Variants in ITPR3 observed in about 807,000 individuals in gnomAD.
ITPR3 encodes inositol 1,4,5-trisphosphate-gated calcium channel ITPR3.
A neutral mutation model predicts 293.2 loss-of-function variants in ITPR3; 173 were observed. The observed-to-expected ratio is 0.59, with a 90% CI of 0.52 to 0.67. The LOEUF (loss-of-function observed/expected upper bound fraction) is 0.67, where lower values mean the gene tolerates loss of function less well. ITPR3 is among the 30% of genes least tolerant of loss of function. ITPR3 has a pLI of 0.00. For missense variants in ITPR3, 2,796 were observed against 3,592.1 expected, an observed-to-expected ratio of 0.78 and a Z score of 5.66; for synonymous variants, 1,295 against 1,444.4, an observed-to-expected ratio of 0.90 and a Z score of 2.35.
intron 2 of ITPR3, among the ~76,000 whole-genome samples, chr6:33,642,927 C>T (rs1020013857): frequency 1.1e-4 from 16 of 152,200 alleles, no homozygotes; most frequent in Admixed American, 7.2e-4. Flanking sequence ...GGGACCTGAG[C>T]AGAGCCAACC....
intron 2 of ITPR3, among the ~76,000 whole-genome samples, chr6:33,651,244 T>G (rs1025792163): frequency 7.1e-6 from 1 of 139,940 alleles, no homozygotes; most frequent in African/African-American, 2.7e-5. Context: ...GCCACTGCAC[T>G]CCAGCCTGGG....
chr6:33,668,930 G>A, intron 17 of ITPR3, 44 bp from the exon 18 acceptor site: 1 of 1,588,022 alleles, frequency 6.3e-7, no homozygotes, highest in South Asian at 1.1e-5. Context: ...CAGGCGTAGT[G>A]CCCTGGACCT....
chr6:33,645,962 T>A (rs1000900758), intron 2 of ITPR3, among the ~76,000 whole-genome samples: 3 of 152,092 alleles, frequency 2.0e-5, no homozygotes, highest in Non-Finnish European at 4.4e-5. Context: ...CTCAGCCTCC[T>A]GAGTAGCTGG....
chr6:33,682,590 C>T lies in ITPR3; in HGVS notation c.4543C>T (p.Gln1515Ter). The T allele has an allele frequency of 1.9e-6, 3 of 1,595,842 alleles. No homozygotes were observed. The highest frequency in any genetic ancestry group is 2.6e-6 in the Non-Finnish European group (3 of 1,171,794). Residue 1515 changes from glutamine to a stop codon, truncating the protein, a stop_gained, in exon 34 of 58, where the codon CAG becomes TAG. Transcript: ENST00000605930. LOFTEE classifies it high-confidence loss of function. This position sits in a 1 kb window ranked among gnomAD's most constrained non-coding sequence, Gnocchi z 5.4. ...ACGCCTCCTCGAGTGTCCGTGGCTA[C>T]AGCAGCAGCACAAGGGCTCCGTGGA... ...TTRLLECPWL[Q>*]QQHKGSVEAC...
At chr6:33,673,882 G>A (rs1050566710) in intron 23 of ITPR3, among the ~76,000 whole-genome samples, 162 bp downstream of exon 23, 1 of 152,224 alleles carries the variant, frequency 6.6e-6, no homozygotes, top group Non-Finnish European at 1.5e-5. Flanking sequence ...GGAAGGGCAG[G>A]GATCCTTCCC....
chr6:33,685,604 G>C, intron 40 of ITPR3, 39 bp from the exon 41 acceptor site: 1 of 1,586,896 alleles, frequency 6.3e-7, no homozygotes, highest in South Asian at 1.1e-5. Context: ...GGTGGCCAAG[G>C]GGGTGGGCAG....
In ITPR3 at chr6:33,678,720, C is replaced by T. The variant is rs922527523; in HGVS notation, c.3853C>T (p.His1285Tyr). ...CGAGATCAGCGAGCCTGTGTTGCAG[C>T]ACTTCGTGCACCTGCTGGCCACGCA... The part of the protein sequence containing the change: ...CSEISEPVLQ[H>Y]FVHLLATHGR... Residue 1285 changes from histidine to tyrosine, a missense_variant, in exon 30 of 58, where the codon CAC becomes TAC. Physicochemically the swap from His to Tyr is moderately conservative, Grantham distance 83. Around this residue, in one of 8 missense-constraint regions of ITPR3, gnomAD observed 344 missense variants for 460.3 expected, o/e 0.75. Transcript: ENST00000605930. 15 of 1,613,330 alleles carry T rather than the reference C, an allele frequency of 9.3e-6. No individual in the cohort carries two copies. The highest frequency in any genetic ancestry group is 1.3e-5 in the African/African-American group (1 of 74,944).
In ITPR3 at chr6:33,665,070, C is replaced by T; in HGVS notation, c.1266C>T (p.Thr422=). The change falls in exon 13 of 58, where the codon ACC becomes ACT. Residue 422 remains threonine (T), a synonymous_variant. Transcript: ENST00000605930. ...CTCTGCAGCTGGGCACCTGCCCCAC[C>T]AAGGAGGACAAGGAGGCCTTTGCCA... ...PIRLMLGTCP[T]KEDKEAFAIV... The T allele has an allele frequency of 5.0e-6, 8 of 1,613,916 alleles. No individual in the cohort carries two copies. Among genetic ancestry groups the T allele is most frequent in the Non-Finnish European group, 6.8e-6 (8 of 1,180,010 alleles).
intron 2 of ITPR3, among the ~76,000 whole-genome samples, chr6:33,651,519 G>A (rs1015654648): frequency 4.6e-5 from 7 of 152,050 alleles, no homozygotes; most frequent in African/African-American, 7.2e-5. Flanking sequence ...TCCCTATAGG[G>A]TCCCGGTCTT....
In ITPR3 at chr6:33,654,620, G is replaced by A. The variant is rs1053775784; in HGVS notation, c.161-1146G>A. Among the ~76,000 whole-genome samples the A allele has an allele frequency of 2.6e-5, 4 of 152,216 alleles. No homozygotes were observed. The highest frequency in any genetic ancestry group is 4.4e-5 in the Non-Finnish European group (3 of 68,036). On this transcript the variant is annotated intron_variant, in intron 2 of 57. Transcript: ENST00000605930. This position sits in a 1 kb window ranked among gnomAD's most constrained non-coding sequence, Gnocchi z 4.1. ...TCTTAGAGGGAACAGGAAAGGACCT[G>A]AAGAAGGGGTTTTGTTTCTGGGACC...
At chr6:33,656,356 A>G (rs1196048855) in intron 3 of ITPR3, among the ~76,000 whole-genome samples, 1 of 152,098 alleles carries the variant, frequency 6.6e-6, no homozygotes, top group South Asian at 2.1e-4. Flanking sequence ...GACACCATAG[A>G]GCAGTGAACA....
At position 33,667,308 on chromosome 6, in the gene ITPR3, T is replaced by C; in HGVS notation, c.1713+18T>C. 2 of 1,608,028 alleles carry C rather than the reference T, an allele frequency of 1.2e-6. No homozygotes were observed. The highest frequency in any genetic ancestry group is 1.7e-6 in the Non-Finnish European group (2 of 1,177,266). ...AGAACCAGGTGCGCCGCTGCCCTGC[T>C]GGCCCACTCGCTGGCTGCACGTTCC... On this transcript the variant is annotated intron_variant, in intron 15 of 57. Coordinates refer to ENST00000605930, the MANE Select transcript of ITPR3 (RefSeq NM_002224.4). The surrounding 1 kb of genome is among the most constrained non-coding windows in gnomAD (Gnocchi z 4.4).
rs7739023 is a variant in ITPR3, at chr6:33,672,356, C to T, written c.2928+128C>T. ...TTAGTACTGGAAGTCTCCATCGTGA[C>T]TGGCTGTCAGGCCCAGCGGTTCCCA... is the stretch of plus-strand genomic sequence containing the variant. On this transcript the variant is annotated intron_variant, in intron 22 of 57. Coordinates refer to ENST00000605930, the MANE Select transcript of ITPR3 (RefSeq NM_002224.4). This position sits in a 1 kb window ranked among gnomAD's most constrained non-coding sequence, Gnocchi z 5.0. 2.5e-6 allele frequency: 2 copies of T among 814,666 alleles called. No individual in the cohort carries two copies. The highest frequency in any genetic ancestry group is 3.8e-6 in the Non-Finnish European group (2 of 527,056). The allele number at this position is 814,666 out of a possible 1,614,324, so 50.5% of individuals were successfully genotyped here.
Position 33,633,608 on chromosome 6 carries a change from C to G in ITPR3, c.90-6876C>G, listed in dbSNP as rs1371394848. On this transcript the variant is annotated intron_variant, in intron 1 of 57. Coordinates refer to ENST00000605930, the MANE Select transcript of ITPR3 (RefSeq NM_002224.4). The surrounding 1 kb of genome is among the most constrained non-coding windows in gnomAD (Gnocchi z 5.2). The stretch of plus-strand genomic sequence containing the variant: ...ACATCACCCGCCCCGCCCCCGGGCG[C>G]GTCTGGCGGAGGCGCGGCGTCCTGG... Among the ~76,000 whole-genome samples the G allele has an allele frequency of 6.6e-6, 1 of 151,746 alleles. No individual in the cohort carries two copies. Among genetic ancestry groups the G allele is most frequent in the Non-Finnish European group, 1.5e-5 (1 of 67,860 alleles).
At chr6:33,689,091 A>G (rs1765319628) in intron 49 of ITPR3, 147 bp from the exon 50 acceptor site, 1 of 927,058 alleles carries the variant, frequency 1.1e-6, no homozygotes, top group Non-Finnish European at 1.6e-6. Context: ...CCTGAGAGGC[A>G]GGTGTAATGG....
At chr6:33,648,527 C>G (rs761478696) in intron 2 of ITPR3, among the ~76,000 whole-genome samples, 11 of 135,242 alleles carry the variant, frequency 8.1e-5, no homozygotes, top group Non-Finnish European at 1.9e-4. Flanking sequence ...ACCTGAGAGT[C>G]TCAGTTACCC....
At chr6:33,626,472 T>C (rs1763552704) in intron 1 of ITPR3, among the ~76,000 whole-genome samples, 1 of 152,226 alleles carries the variant, frequency 6.6e-6, no homozygotes, top group Non-Finnish European at 1.5e-5. Flanking sequence ...CCGGGATCCC[T>C]GATCTGGGGG....
In ITPR3 at chr6:33,684,718, C is replaced by T; in HGVS notation, c.5137+30C>T. ...GTATCACCTTCCCCTGCCCCCGGGC[C>T]CTCCCTTCCACTCTCCTGTCACACC... On this transcript the variant is annotated intron_variant, in intron 38 of 57. Coordinates refer to ENST00000605930, the MANE Select transcript of ITPR3 (RefSeq NM_002224.4). The surrounding 1 kb of genome is among the most constrained non-coding windows in gnomAD (Gnocchi z 4.2). 6.2e-7 allele frequency: 1 copy of T among 1,612,018 alleles called. No homozygotes were observed. The highest frequency in any genetic ancestry group is 8.5e-7 in the Non-Finnish European group (1 of 1,178,750).
At chr6:33,641,362 G>T (rs1582109341) in intron 2 of ITPR3, among the ~76,000 whole-genome samples, 1 of 152,190 alleles carries the variant, frequency 6.6e-6, no homozygotes, top group Non-Finnish European at 1.5e-5. Context: ...CCGCGTGGCT[G>T]CTCCTCTGGG....
Sources: gnomAD v4.1 joint callset for allele counts (sites outside exome capture counted in the v4.1 genomes callset) on GRCh38, gnomAD v4.1.1 for gene constraint, gnomAD v4.1.1 regional missense constraint, Gnocchi (gnomAD v3.1) non-coding constraint, MANE v1.5 for transcripts, NCBI Gene and HGNC (gene_info 2026-07-23, HGNC 2026-07-21) for gene names.